The following CHST15 variants were observed in gnomAD, a reference collection of about 807,000 sequenced individuals.
The protein encoded by CHST15 is carbohydrate sulfotransferase 15.
A neutral mutation model predicts 53.6 loss-of-function variants in CHST15; 30 were observed. The observed-to-expected ratio is 0.56, with a 90% confidence interval of 0.42 to 0.76. CHST15 has a LOEUF of 0.76. CHST15 is among the 30% of genes least tolerant of loss of function. The pLI is 0.00. For missense variants in CHST15, 627 were observed against 740.5 expected (o/e 0.85, Z 1.78); for synonymous variants, 296 against 289.8 (o/e 1.02, Z -0.22).
At chr10:124,072,844 A>G (rs1399540966) in intron 1 of CHST15, among the ~76,000 whole-genome samples, 2 of 152,228 alleles carry the variant, frequency 1.3e-5, no homozygotes, top group Non-Finnish European at 2.9e-5. Flanking sequence ...GGGGCATCCC[A>G]GAAGCCTTAT....
intron 1 of CHST15, among the ~76,000 whole-genome samples, chr10:124,056,867 G>A (rs999989888): frequency 1.3e-5 from 2 of 151,142 alleles, no homozygotes; most frequent in African/African-American, 2.4e-5. Flanking sequence ...CTGCCTGTAC[G>A]ACCGGACACT....
intron 1 of CHST15, among the ~76,000 whole-genome samples, chr10:124,055,596 A>T (rs904129706): frequency 6.6e-6 from 1 of 152,228 alleles, no homozygotes; most frequent in African/African-American, 2.4e-5. Context: ...TCTACAGTAG[A>T]ACAAGGTACT....
intron 1 of CHST15, among the ~76,000 whole-genome samples, chr10:124,084,403 C>A (rs1042362562): frequency 6.6e-6 from 1 of 152,174 alleles, no homozygotes; most frequent in African/African-American, 2.4e-5. Flanking sequence ...CCGTTAGAGC[C>A]TTTGGGCCAG....
Position 124,064,428 on chromosome 10 carries a change from G to A in CHST15, c.-512-17704C>T, listed in dbSNP as rs115684352. ...CTTGCAAAGGTACAGCAGTGGCCAC[G>A]GAGCAGAACGCAAGCCCCTGACTGG... On this transcript the variant is annotated intron_variant, in intron 1 of 7. Coordinates refer to ENST00000435907, the MANE Select transcript of CHST15 (RefSeq NM_001270764.2). Among the ~76,000 whole-genome samples the A allele has an allele frequency of 6.5e-3, 988 of 152,272 alleles. 8 individuals are homozygous for A. Among genetic ancestry groups the A allele is most frequent in the African/African-American group, 0.023 (949 of 41,552 alleles).
At chr10:124,079,233 T>A (rs983217465) in intron 1 of CHST15, among the ~76,000 whole-genome samples, 1 of 152,248 alleles carries the variant, frequency 6.6e-6, no homozygotes, top group Non-Finnish European at 1.5e-5. Context: ...TATATTACTG[T>A]CACAACTACT....
At chr10:124,086,507 G>A (rs1025140773) in intron 1 of CHST15, among the ~76,000 whole-genome samples, 2 of 152,226 alleles carry the variant, frequency 1.3e-5, no homozygotes, top group Non-Finnish European at 2.9e-5. Flanking sequence ...CGCCCTGCTG[G>A]GAGAGGCTCC....
In CHST15 at chr10:124,044,778, C is replaced by A. The variant is rs781020400; in HGVS notation, c.688G>T (p.Asp230Tyr). 6.2e-7 allele frequency: 1 copy of A among 1,610,604 alleles called. No homozygotes were observed. Among genetic ancestry groups the A allele is most frequent in the Non-Finnish European group, 8.5e-7 (1 of 1,178,272 alleles). ...LYSKRFRSTF[D>Y]ALRKAFWGHL... is the part of the protein sequence containing the mutation. ...CCCCAGAAGGCCTTGCGCAGGGCGT[C>A]GAAGGTGGAGCGGAAGCGCTTGGAG... The change falls in exon 3 of 8, where the codon GAC (aspartate) becomes TAC (tyrosine). Residue 230 changes from aspartate (D) to tyrosine (Y), a missense_variant. Asp to Tyr is a radical substitution (Grantham distance 160, BLOSUM62 -3). Coordinates refer to ENST00000435907, the MANE Select transcript of CHST15 (RefSeq NM_001270764.2).
chr10:124,036,337 T>C lies in CHST15; in HGVS notation c.1190+2178A>G, dbSNP rs1009247326. Among the ~76,000 whole-genome samples the C allele has an allele frequency of 5.3e-5, 8 of 152,228 alleles. No homozygotes were observed. The South Asian group carries it at 1.2e-3, about 24-fold the overall frequency. On this transcript the variant is annotated intron_variant, in intron 5 of 7. Coordinates refer to ENST00000435907, the MANE Select transcript of CHST15 (RefSeq NM_001270764.2). The surrounding 1 kb of genome is among the most constrained non-coding windows in gnomAD (Gnocchi z 5.1). ...GTGGGACATGGCAAGGGACGGCAAG[T>C]CAGTGCCTGCCTCAGAACAGAGTGG...
chr10:124,039,628 G>C lies in CHST15; in HGVS notation c.1034-957C>G, dbSNP rs138943881. On this transcript the variant is annotated intron_variant, in intron 4 of 7. Coordinates refer to ENST00000435907, the MANE Select transcript of CHST15 (RefSeq NM_001270764.2). ...TTTCACATTTCATCATGGTCCTCAC[G>C]AGTGAAGGATGTAAATGGCAAACAC... Among the ~76,000 whole-genome samples the C allele has an allele frequency of 4.3e-4, 65 of 152,340 alleles. No individual in the cohort carries two copies. In the East Asian group the frequency reaches 9.8e-3, roughly 23 times the overall value.
chr10:124,062,034 T>C (rs1245514210), intron 1 of CHST15, among the ~76,000 whole-genome samples: 4 of 151,230 alleles, frequency 2.6e-5, no homozygotes, highest in Non-Finnish European at 4.4e-5. Flanking sequence ...AAAACCCTTC[T>C]ATTACCATTC....
At chr10:124,073,032 C>A (rs1948970034) in intron 1 of CHST15, among the ~76,000 whole-genome samples, 1 of 152,112 alleles carries the variant, frequency 6.6e-6, no homozygotes, top group Non-Finnish European at 1.5e-5. Flanking sequence ...TAAATGAGTA[C>A]AATTGTTTGG....
At chr10:124,018,673 A>C (rs1185964322) in intron 6 of CHST15, among the ~76,000 whole-genome samples, 1 of 152,178 alleles carries the variant, frequency 6.6e-6, no homozygotes, top group Non-Finnish European at 1.5e-5. Context: ...CCAAGCTGTT[A>C]TATTTGGGGG....
chr10:124,068,057 C>A (rs1354901513), intron 1 of CHST15, among the ~76,000 whole-genome samples: 1 of 152,162 alleles, frequency 6.6e-6, no homozygotes, highest in African/African-American at 2.4e-5. Context: ...AGAAACTTTG[C>A]CTTAATTAGT....
chr10:124,007,822 T>A lies in CHST15; in HGVS notation c.*2327A>T. 3 of 1,232,128 alleles carry A rather than the reference T, an allele frequency of 2.4e-6. No homozygotes were observed. Among genetic ancestry groups the A allele is most frequent in the Non-Finnish European group, 3.0e-6 (3 of 987,960 alleles). The allele number at this position is 1,232,128 out of a possible 1,614,324, so 76.3% of individuals were successfully genotyped here. The stretch of plus-strand genomic sequence containing the variant: ...TACAATTTAACACGGTCACAACTTT[T>A]GAGAACAAAAAGGAACTTCAATACC... On this transcript the variant is annotated 3_prime_UTR_variant, in exon 8 of 8. Coordinates refer to ENST00000435907, the MANE Select transcript of CHST15 (RefSeq NM_001270764.2).
chr10:124,061,367 C>T (rs1489870281), intron 1 of CHST15, among the ~76,000 whole-genome samples: 2 of 152,140 alleles, frequency 1.3e-5, no homozygotes, highest in Non-Finnish European at 2.9e-5. Flanking sequence ...CGGGGGTTTC[C>T]GCTTTTGCTT....
intron 4 of CHST15, among the ~76,000 whole-genome samples, chr10:124,041,633 C>T (rs576871866): frequency 6.6e-6 from 1 of 152,220 alleles, no homozygotes; most frequent in South Asian, 2.1e-4. Flanking sequence ...TCTCTATTTC[C>T]ATCGAAACAT....
intron 1 of CHST15, among the ~76,000 whole-genome samples, chr10:124,068,724 A>C (rs1673292446): frequency 6.6e-6 from 1 of 152,246 alleles, no homozygotes; most frequent in African/African-American, 2.4e-5. Context: ...CTCTTATTAA[A>C]AATTCTGCTT....
rs111925443 is a variant in CHST15 at position 124,036,682 on chromosome 10, A to G, written c.1190+1833T>C. ...CATGTGCACACACACACACACACAC[A>G]CTTATTTGCATAGAAAAGTCTGGAA... On this transcript the variant is annotated intron_variant, in intron 5 of 7. Coordinates refer to ENST00000435907, the MANE Select transcript of CHST15 (RefSeq NM_001270764.2). This position sits in a 1 kb window ranked among gnomAD's most constrained non-coding sequence, Gnocchi z 5.1. 2.1e-3 allele frequency among the ~76,000 whole-genome samples: 316 copies of G among 151,802 alleles called. 2 individuals are homozygous for G. Among genetic ancestry groups the G allele is most frequent in the African/African-American group, 7.4e-3 (307 of 41,432 alleles).
At chr10:124,056,389 G>A (rs1948381714) in intron 1 of CHST15, among the ~76,000 whole-genome samples, 1 of 152,172 alleles carries the variant, frequency 6.6e-6, no homozygotes, top group Admixed American at 6.5e-5. Context: ...CTGGGGCATT[G>A]AGTCTTAACC....
Sources: gnomAD v4.1 joint callset for allele counts (sites outside exome capture counted in the v4.1 genomes callset) on GRCh38, gnomAD v4.1.1 for gene constraint, Gnocchi (gnomAD v3.1) non-coding constraint, MANE v1.5 for transcripts, NCBI Gene and HGNC (gene_info 2026-07-23, HGNC 2026-07-21) for gene names.